USP24: variants seen among roughly 807,000 people sequenced by gnomAD.
The protein encoded by USP24 is ubiquitin carboxyl-terminal hydrolase 24.
In USP24, 97 loss-of-function variants were observed where a neutral mutation model predicts 361.6. The ratio of observed to expected loss-of-function variants is 0.27; its 90% CI spans 0.23 to 0.32. USP24 has a LOEUF of 0.32. Ranked by LOEUF, USP24 falls within the 10% of genes least tolerant of loss-of-function variation. USP24 has a pLI of 1.00. For synonymous variants in USP24, 1,098 were observed against 1,124.6 expected, an observed-to-expected ratio of 0.98 and a Z score of 0.47; for missense variants, 2,353 against 3,165.6, an observed-to-expected ratio of 0.74 and a Z score of 6.16.
At position 55,132,717 on chromosome 1, in the gene USP24, G is replaced by A; in HGVS notation, c.3382-17C>T. 3.1e-6 allele frequency: 5 copies of A among 1,604,774 alleles called. No homozygotes were observed. Among genetic ancestry groups the A allele is most frequent in the Non-Finnish European group, 4.3e-6 (5 of 1,174,968 alleles). On this transcript the variant is annotated splice_polypyrimidine_tract_variant and intron_variant, in intron 30 of 67. Transcript: ENST00000294383. Reference sequence around the variant, plus strand: ...CAATGTTTTCTAAGTTTAAGAGAATGAGAAAGACATAAACTACTTAAAAGG... The same window carrying A: ...CAATGTTTTCTAAGTTTAAGAGAATAAGAAAGACATAAACTACTTAAAAGG...
intron 39 of USP24, among the ~76,000 whole-genome samples, chr1:55,107,865 A>AAAAAAC (rs1379674224): frequency 3.3e-4 from 49 of 147,088 alleles, no homozygotes; most frequent in South Asian, 1.1e-3. Flanking sequence ...AAAAAAAAAA[A>AAAAAAC]ACACACAAAA....
chr1:55,080,195 A>G (rs761475923), intron 59 of USP24, among the ~76,000 whole-genome samples: 1 of 152,184 alleles, frequency 6.6e-6, no homozygotes, highest in Non-Finnish European at 1.5e-5. Context: ...GAAAAACCAG[A>G]ATGCATACTT....
At chr1:55,123,261 G>C (rs1646333920) in intron 36 of USP24, among the ~76,000 whole-genome samples, 186 bp downstream of exon 36, 1 of 152,148 alleles carries the variant, frequency 6.6e-6, no homozygotes, top group South Asian at 2.1e-4. Flanking sequence ...ATATACAGAA[G>C]GTGCTCAATA....
At position 55,071,474 on chromosome 1, in the gene USP24, G is replaced by A. The variant is rs1195489544; in HGVS notation, c.7800+340C>T. The A allele has an allele frequency of 1.5e-5, 16 of 1,046,328 alleles. No individual in the cohort carries two copies. In the East Asian group the frequency reaches 6.6e-4, roughly 43 times the overall value. The allele number at this position is 1,046,328 out of a possible 1,614,324, so 64.8% of individuals were successfully genotyped here. A position where few individuals can be genotyped will look rare whatever the true frequency, so the allele number is the denominator to read the frequency against. ...TCCAGGAAGGCTGGTGAGAGCAAAC[G>A]AGGGACTTTCAGTAACCTGGCAAGG... On this transcript the variant is annotated intron_variant, in intron 67 of 67. Coordinates refer to ENST00000294383, the MANE Select transcript of USP24 (RefSeq NM_015306.3).
chr1:55,136,567 G>A (rs1407675402), intron 28 of USP24, among the ~76,000 whole-genome samples: 1 of 152,194 alleles, frequency 6.6e-6, no homozygotes, highest in Non-Finnish European at 1.5e-5. Context: ...GAGGCATGGT[G>A]ATTGCCTAGA....
rs1459050065 is a variant in USP24 at position 55,170,787 on chromosome 1, T to G, written c.825+769A>C. ...TTATAATTCCACCTACTATTTATTA[T>G]GCTGTCATTTTTTTGTTTTCGTATT... is the stretch of plus-strand genomic sequence containing the variant. On this transcript the variant is annotated intron_variant, in intron 5 of 67. Transcript: ENST00000294383. Among the ~76,000 whole-genome samples, 2 of 152,216 alleles carry G rather than the reference T, an allele frequency of 1.3e-5. 1 individual carries two copies. The highest frequency in any genetic ancestry group is 4.1e-4 in the South Asian group (2 of 4,830).
At chr1:55,176,290 CTAAAAT>C (rs1649976327) in intron 3 of USP24, 80 bp downstream of exon 3, 1 of 1,256,300 alleles carries the variant, frequency 8.0e-7, no homozygotes, top group Non-Finnish European at 1.1e-6. Context: ...ACATAAAAAA[CTAAAAT>C]TAAAACAAAA....
intron 16 of USP24, among the ~76,000 whole-genome samples, chr1:55,151,002 A>G (rs1278802985): frequency 6.6e-6 from 1 of 152,136 alleles, no homozygotes; most frequent in Non-Finnish European, 1.5e-5. Flanking sequence ...TTTTTTATAC[A>G]ATGACTGACT....
At chr1:55,081,740 G>A (rs187494308) in intron 58 of USP24, among the ~76,000 whole-genome samples, 8 of 152,296 alleles carry the variant, frequency 5.3e-5, no homozygotes, top group African/African-American at 1.9e-4. Flanking sequence ...ACTGTGCCGC[G>A]TAATGTGAGT....
chr1:55,202,803 G>T (rs1030882609), intron 1 of USP24, among the ~76,000 whole-genome samples: 6 of 152,180 alleles, frequency 3.9e-5, no homozygotes, highest in African/African-American at 1.4e-4. Flanking sequence ...GATGCTAGTC[G>T]AGAGACCACA....
intron 7 of USP24, 71 bp from the exon 8 acceptor site, chr1:55,162,335 C>T (rs939169461): frequency 7.4e-7 from 1 of 1,351,672 alleles, no homozygotes; most frequent in Non-Finnish European, 9.8e-7. Flanking sequence ...AAACAAATCC[C>T]TTTTCATGTA....
chr1:55,116,681 C>CAAAAA (rs528611494), intron 38 of USP24, among the ~76,000 whole-genome samples: 1 of 128,952 alleles, frequency 7.8e-6, no homozygotes, highest in Non-Finnish European at 1.7e-5. Context: ...ATTGGTAATC[C>CAAAAA]AAAAAAAAAA....
Position 55,154,696 on chromosome 1 carries a change from T to A in USP24, c.1529A>T (p.Asn510Ile), listed in dbSNP as rs756113120. 3.1e-6 allele frequency: 5 copies of A among 1,613,356 alleles called. No homozygotes were observed. The highest frequency in any genetic ancestry group is 4.2e-6 in the Non-Finnish European group (5 of 1,179,548). ...AAVKFNSDQL[N>I]HLFVLIQKSW... ...CTTCTGAATGAGAACAAACAAATGA[T>A]TAAGCTGATCTGAATTAAATTTCAC... The change falls in exon 13 of 68, where the codon AAT (asparagine) becomes ATT (isoleucine). Residue 510 changes from asparagine to isoleucine, a missense_variant. Around this residue, in one of 8 missense-constraint regions of USP24, gnomAD observed 386 missense variants for 560.5 expected, o/e 0.69. Transcript: ENST00000294383.
At chr1:55,118,681 T>A (rs1293390493) in intron 38 of USP24, among the ~76,000 whole-genome samples, 1 of 152,102 alleles carries the variant, frequency 6.6e-6, no homozygotes, top group Non-Finnish European at 1.5e-5. Flanking sequence ...TGATAAGGGA[T>A]CAATATTCAG....
Position 55,089,829 on chromosome 1 carries a change from C to A in USP24, c.6555-89G>T. 7.0e-6 allele frequency: 6 copies of A among 861,714 alleles called. 1 individual carries two copies. The South Asian group carries it at 1.0e-4, about 15-fold the overall frequency. 53.4% of individuals were successfully genotyped at this position (861,714 alleles called of 1,614,324 possible). A position where few individuals can be genotyped will look rare whatever the true frequency, so the allele number is the denominator to read the frequency against. ...GCACTCTTGTTGGTTCTTATCCTTT[C>A]TATCTATGAATGTCTCTCTGTATGT... On this transcript the variant is annotated intron_variant, in intron 54 of 67. Transcript: ENST00000294383.
chr1:55,077,062 G>C (rs1323186269), intron 62 of USP24, among the ~76,000 whole-genome samples, 173 bp downstream of exon 62: 1 of 152,072 alleles, frequency 6.6e-6, no homozygotes, highest in Non-Finnish European at 1.5e-5. Context: ...TTTTATTACT[G>C]CTCGCCTCTA....
intron 24 of USP24, among the ~76,000 whole-genome samples, chr1:55,140,938 A>T (rs1434333972): frequency 1.3e-5 from 2 of 152,238 alleles, no homozygotes; most frequent in Non-Finnish European, 2.9e-5. Context: ...TCAGAGAACT[A>T]CAGCAGACAC....
At chr1:55,088,304 T>C (rs1488381011) in intron 55 of USP24, among the ~76,000 whole-genome samples, 1 of 152,216 alleles carries the variant, frequency 6.6e-6, no homozygotes, top group Non-Finnish European at 1.5e-5. Context: ...CAGACTGTGA[T>C]CGCCTTGTGG....
At chr1:55,101,439 T>A in intron 43 of USP24, 145 bp downstream of exon 43, 2 of 1,125,332 alleles carry the variant, frequency 1.8e-6, no homozygotes, top group South Asian at 1.6e-5. Context: ...ACACAACATG[T>A]CTTTACACAT....
Sources: allele counts gnomAD v4.1 joint callset (sites outside exome capture counted in the v4.1 genomes callset), GRCh38; gene constraint gnomAD v4.1.1; regional missense constraint gnomAD v4.1.1; transcripts MANE v1.5; gene names NCBI Gene and HGNC (gene_info 2026-07-23, HGNC 2026-07-21).